The following ZDHHC2 variants were observed in gnomAD, a reference collection of about 807,000 sequenced individuals.
The protein encoded by ZDHHC2 is palmitoyltransferase ZDHHC2.
A neutral mutation model predicts 55.6 loss-of-function variants in ZDHHC2; 51 were observed. That is an observed-to-expected ratio of 0.92 (90% CI 0.73 to 1.16). ZDHHC2 has a LOEUF of 1.16. Ranked by LOEUF, ZDHHC2 falls within the 50% of genes most tolerant of loss-of-function variation. The probability of loss-of-function intolerance (pLI) is 0.00; values close to 1 mark genes in which losing one functional copy is unlikely to be tolerated. For synonymous variants in ZDHHC2, 199 were observed against 152.9 expected (o/e 1.30, Z -2.22); for missense variants, 491 against 442.4 (o/e 1.11, Z -0.99).
At chr8:17,175,161 C>A (rs1462300900) in intron 1 of ZDHHC2, among the ~76,000 whole-genome samples, 1 of 152,080 alleles carries the variant, frequency 6.6e-6, no homozygotes, top group African/African-American at 2.4e-5. Context: ...CTGGGGAAAT[C>A]ATCAGACTCC....
At chr8:17,206,395 A>G (rs186132534) in intron 7 of ZDHHC2, among the ~76,000 whole-genome samples, 74 of 152,310 alleles carry the variant, frequency 4.9e-4, no homozygotes, top group Non-Finnish European at 7.3e-5. Context: ...CAGTTGTCAA[A>G]GATGTTGTGA....
chr8:17,190,522 T>G (rs1805963458), intron 3 of ZDHHC2, among the ~76,000 whole-genome samples: 1 of 152,220 alleles, frequency 6.6e-6, no homozygotes, highest in Non-Finnish European at 1.5e-5. Context: ...ACATGTGAAT[T>G]AAAATTTGCC....
chr8:17,180,581 T>C (rs1295038626), intron 1 of ZDHHC2, among the ~76,000 whole-genome samples: 2 of 152,194 alleles, frequency 1.3e-5, no homozygotes, highest in Non-Finnish European at 2.9e-5. Flanking sequence ...TATATTATAA[T>C]TGTACATTCA....
At chr8:17,209,182 G>T (rs542152787) in intron 8 of ZDHHC2, among the ~76,000 whole-genome samples, 1 of 152,278 alleles carries the variant, frequency 6.6e-6, no homozygotes, top group East Asian at 1.9e-4. Context: ...AAGTCCCAGA[G>T]CCTCTCTGAA....
At chr8:17,168,890 A>ATATT (rs1804728653) in intron 1 of ZDHHC2, among the ~76,000 whole-genome samples, 1 of 152,112 alleles carries the variant, frequency 6.6e-6, no homozygotes, top group African/African-American at 2.4e-5. Flanking sequence ...AGGCTGAATA[A>ATATT]TATTTCGTGG....
chr8:17,186,601 T>A (rs985208893), intron 3 of ZDHHC2, among the ~76,000 whole-genome samples, 176 bp downstream of exon 3: 3 of 152,216 alleles, frequency 2.0e-5, no homozygotes, highest in Non-Finnish European at 4.4e-5. Flanking sequence ...GAAATATTAG[T>A]GTTTTCACCA....
intron 9 of ZDHHC2, 26 bp from the exon 10 acceptor site, chr8:17,210,362 G>T: frequency 6.2e-7 from 1 of 1,601,352 alleles, no homozygotes; most frequent in Non-Finnish European, 8.5e-7. Flanking sequence ...GTATGGTTCA[G>T]TTCTAAATTT....
chr8:17,196,448 G>A (rs1004029254), intron 4 of ZDHHC2, among the ~76,000 whole-genome samples: 2 of 152,006 alleles, frequency 1.3e-5, no homozygotes, highest in South Asian at 2.1e-4. Context: ...CCAGCAACTC[G>A]GGAGCCTGAG....
intron 9 of ZDHHC2, 26 bp from the exon 10 acceptor site, chr8:17,210,362 G>A: frequency 6.2e-7 from 1 of 1,601,354 alleles, no homozygotes; most frequent in South Asian, 1.1e-5. Context: ...GTATGGTTCA[G>A]TTCTAAATTT....
chr8:17,202,665 C>T (rs1479813740), intron 6 of ZDHHC2, among the ~76,000 whole-genome samples: 1 of 151,662 alleles, frequency 6.6e-6, no homozygotes, highest in Non-Finnish European at 1.5e-5. Context: ...CAAAAGCTGT[C>T]TATTGTGAAG....
chr8:17,201,479 CTCTTTTTTTTTTTTTTT>C (rs1197117433), intron 6 of ZDHHC2, among the ~76,000 whole-genome samples: 21 of 88,196 alleles, frequency 2.4e-4, no homozygotes, highest in Non-Finnish European at 3.9e-4. Flanking sequence ...CTCTCTCTCT[CTCTTTTTTTTTTTTTTT>C]TTTTTTTTTT....
chr8:17,210,209 T>C (rs953186192), intron 9 of ZDHHC2, 151 bp downstream of exon 9: 2 of 1,107,096 alleles, frequency 1.8e-6, no homozygotes, highest in Admixed American at 5.8e-5. Context: ...CACCATAATA[T>C]CAGTGTGGAA....
chr8:17,210,057 A>G lies in ZDHHC2; in HGVS notation c.856A>G (p.Ser286Gly). Residue 286 changes from serine to glycine, a missense_variant and splice_region_variant, in exon 9 of 13, where the codon AGT becomes GGT. Coordinates refer to ENST00000262096, the MANE Select transcript of ZDHHC2 (RefSeq NM_016353.5). ...KKYWLLPIFS[S>G]LGDGCSFPTC... ...GTACTGGTTGCTACCCATTTTTTCA[A>G]GGTACTTCTTTGTTAAAATTTTCAG... 6.3e-7 allele frequency: 1 copy of G among 1,595,216 alleles called. No homozygotes were observed.
At chr8:17,196,311 A>C (rs1023690741) in intron 4 of ZDHHC2, among the ~76,000 whole-genome samples, 1 of 152,150 alleles carries the variant, frequency 6.6e-6, no homozygotes, top group African/African-American at 2.4e-5. Flanking sequence ...GAGCGCTTGA[A>C]GTATGGCCAG....
In ZDHHC2 at chr8:17,221,588, T is replaced by G. The variant is rs529182737; in HGVS notation, c.*1367T>G. 6.6e-6 allele frequency: 1 copy of G among 152,512 alleles called. No individual in the cohort carries two copies. The highest frequency in any genetic ancestry group is 2.1e-4 in the South Asian group (1 of 4,826). 9.4% of individuals were successfully genotyped at this position (152,512 alleles called of 1,614,324 possible). A position where few individuals can be genotyped will look rare whatever the true frequency, so the allele number is the denominator to read the frequency against. On this transcript the variant is annotated 3_prime_UTR_variant, in exon 13 of 13. Transcript: ENST00000262096. ...TCAAAATCTTTGTTAAACCAAACAT[T>G]CAACACAAAATAAACTAGAAGGCCA...
intron 1 of ZDHHC2, among the ~76,000 whole-genome samples, chr8:17,180,462 T>G (rs1245403076): frequency 6.6e-6 from 1 of 152,232 alleles, no homozygotes; most frequent in Non-Finnish European, 1.5e-5. Flanking sequence ...TTTATTTCTT[T>G]CAGGAGCCTG....
rs1297662337 is a variant in ZDHHC2 at position 17,199,509 on chromosome 8, T to TTCTTCTTCGTCTTCG, written c.476+1101_476+1102insTTCGTCTTCGTCTTC. 6.1e-3 allele frequency among the ~76,000 whole-genome samples: 742 copies of TTCTTCTTCGTCTTCG among 120,940 alleles called. 13 individuals are homozygous for TTCTTCTTCGTCTTCG. The highest frequency in any genetic ancestry group is 0.012 in the Middle Eastern group (3 of 242). The allele number at this position is 120,940 out of a possible 152,430, so 79.3% of individuals were successfully genotyped here. ...CTTCTTCTTCTTCTTCTTCTTCTTC[T>TTCTTCTTCGTCTTCG]TCTTCGTCTTCGTCTTCGTCTTCTG... On this transcript the variant is annotated intron_variant, in intron 6 of 12. Coordinates refer to ENST00000262096, the MANE Select transcript of ZDHHC2 (RefSeq NM_016353.5).
At position 17,188,291 on chromosome 8, in the gene ZDHHC2, T is replaced by C. The variant is rs556428841; in HGVS notation, c.252+1866T>C. Among the ~76,000 whole-genome samples, 189 of 152,170 alleles carry C rather than the reference T, an allele frequency of 1.2e-3. 1 individual carries two copies. Among genetic ancestry groups the C allele is most frequent in the African/African-American group, 4.2e-3 (174 of 41,538 alleles). On this transcript the variant is annotated intron_variant, in intron 3 of 12. Coordinates refer to ENST00000262096, the MANE Select transcript of ZDHHC2 (RefSeq NM_016353.5). ...CTGGAGTGGTCCTCCTAAAAACCAA[T>C]GTAACGCCTTCCCTCTACTGCTTGT... is the stretch of plus-strand genomic sequence containing the variant.
At chr8:17,167,304 C>CTTTTT (rs371848954) in intron 1 of ZDHHC2, among the ~76,000 whole-genome samples, 2 of 108,776 alleles carry the variant, frequency 1.8e-5, no homozygotes, top group African/African-American at 3.5e-5. Context: ...TTTTTTTTAA[C>CTTTTT]TTTTTTTTTT....
Sources: allele counts gnomAD v4.1 joint callset (sites outside exome capture counted in the v4.1 genomes callset), GRCh38; gene constraint gnomAD v4.1.1; transcripts MANE v1.5; gene names NCBI Gene and HGNC (gene_info 2026-07-23, HGNC 2026-07-21).